GRM7: variants seen among roughly 807,000 people sequenced by gnomAD.
GRM7 encodes glutamate metabotropic receptor 7.
GRM7 carries 35 observed loss-of-function variants against 84.5 expected under a neutral mutation model. The ratio of observed to expected loss-of-function variants is 0.41; its 90% CI spans 0.32 to 0.55. GRM7 has a LOEUF of 0.55. Among genes scored for constraint, GRM7 ranks in the 20% least tolerant of loss-of-function variants. The pLI, the probability that GRM7 is intolerant of heterozygous loss-of-function variation, is 0.19. For missense variants in GRM7, 1,003 were observed against 1,194.6 expected, an observed-to-expected ratio of 0.84 and a Z score of 2.36; for synonymous variants, 487 against 455.1, an observed-to-expected ratio of 1.07 and a Z score of -0.89.
intron 4 of GRM7, among the ~76,000 whole-genome samples, chr3:7,348,727 G>A (rs934198438): frequency 4.6e-5 from 7 of 152,154 alleles, no homozygotes; most frequent in East Asian, 1.9e-4. Context: ...TGCAAATTAT[G>A]AGGCTACATC....
Position 6,898,192 on chromosome 3 carries a change from G to A in GRM7, c.519+36285G>A, listed in dbSNP as rs75753540. 9.9e-4 allele frequency among the ~76,000 whole-genome samples: 150 copies of A among 152,242 alleles called. 1 individual carries two copies. The highest frequency in any genetic ancestry group is 1.2e-3 in the African/African-American group (50 of 41,530). On this transcript the variant is annotated intron_variant, in intron 1 of 9. Coordinates refer to ENST00000357716, the MANE Select transcript of GRM7 (RefSeq NM_000844.4). ...ATTGTCAGCTGTAAAATCACTTGTC[G>A]TTCTCATGTGATGGCCATTACAGAA...
At chr3:7,545,171 C>G (rs1043859841) in intron 7 of GRM7, among the ~76,000 whole-genome samples, 3 of 152,328 alleles carry the variant, frequency 2.0e-5, no homozygotes, top group East Asian at 3.9e-4. Flanking sequence ...TTTGCTTCCA[C>G]TTCTGAAACT....
At chr3:7,144,504 G>A (rs1694047745) in intron 1 of GRM7, among the ~76,000 whole-genome samples, 1 of 152,182 alleles carries the variant, frequency 6.6e-6, no homozygotes, top group Non-Finnish European at 1.5e-5. Flanking sequence ...TGTTCGTGAT[G>A]ACGTGCAGCA....
intron 7 of GRM7, among the ~76,000 whole-genome samples, chr3:7,515,899 T>C (rs1300036539): frequency 1.3e-5 from 2 of 152,006 alleles, no homozygotes; most frequent in East Asian, 3.9e-4. Flanking sequence ...TCCCAGCACT[T>C]TGGGAGACAG....
At chr3:7,316,234 T>C (rs747601655) in intron 4 of GRM7, among the ~76,000 whole-genome samples, 1 of 152,086 alleles carries the variant, frequency 6.6e-6, no homozygotes, top group African/African-American at 2.4e-5. Flanking sequence ...CATGGGACCA[T>C]GCAGGTGATT....
At chr3:7,145,983 T>C (rs907815739) in intron 1 of GRM7, among the ~76,000 whole-genome samples, 3 of 152,210 alleles carry the variant, frequency 2.0e-5, no homozygotes, top group Admixed American at 6.5e-5. Context: ...AGCTATTTCC[T>C]TGGAGACTAT....
chr3:7,534,385 G>T (rs1428799503), intron 7 of GRM7, among the ~76,000 whole-genome samples: 1 of 152,030 alleles, frequency 6.6e-6, no homozygotes, highest in African/African-American at 2.4e-5. Context: ...ACGTACTATT[G>T]CCTAATTCTA....
At chr3:6,976,313 A>G (rs1414993072) in intron 1 of GRM7, among the ~76,000 whole-genome samples, 1 of 152,220 alleles carries the variant, frequency 6.6e-6, no homozygotes, top group Non-Finnish European at 1.5e-5. Context: ...CAGTGACTTC[A>G]TTCTGCAAGA....
chr3:7,740,986 T>G lies in GRM7; in HGVS notation c.*580T>G, dbSNP rs113378949. 1,247 of 152,138 alleles carry G rather than the reference T, an allele frequency of 8.2e-3. 10 individuals are homozygous for G. The highest frequency in any genetic ancestry group is 0.027 in the South Asian group (132 of 4,808). The allele number at this position is 152,138 out of a possible 1,614,324, so 9.4% of individuals were successfully genotyped here. A position where few individuals can be genotyped will look rare whatever the true frequency, so the allele number is the denominator to read the frequency against. ...GTACATGACTGTATAATTACGATTA[T>G]AGTACCACTGCACATCATGTTTTTT... On this transcript the variant is annotated 3_prime_UTR_variant, in exon 10 of 10. Transcript: ENST00000357716.
chr3:7,578,810 G>A lies in GRM7; in HGVS notation c.1904G>A (p.Gly635Asp). 6.2e-7 allele frequency: 1 copy of A among 1,614,098 alleles called. No individual in the cohort carries two copies. The highest frequency in any genetic ancestry group is 8.5e-7 in the Non-Finnish European group (1 of 1,180,008). ...GAACTCAGCTATGTTCTTTTGACGG[G>A]CATCTTTCTTTGCTACATCATCACT... ...GRELSYVLLT[G>D]IFLCYIITFL... The change falls in exon 8 of 10, where the codon GGC becomes GAC. Residue 635 changes from glycine to aspartate, a missense_variant. Around this residue, in one of 2 missense-constraint regions of GRM7, gnomAD observed 910 missense variants for 1,126.0 expected, o/e 0.81. Coordinates refer to ENST00000357716, the MANE Select transcript of GRM7 (RefSeq NM_000844.4).
At chr3:7,676,014 C>G (rs918617636) in intron 8 of GRM7, among the ~76,000 whole-genome samples, 3 of 151,098 alleles carry the variant, frequency 2.0e-5, no homozygotes, top group Non-Finnish European at 4.4e-5. Flanking sequence ...TTTTTTTTGT[C>G]GCCCAGGCTG....
intron 1 of GRM7, among the ~76,000 whole-genome samples, chr3:6,954,712 T>C (rs1692952970): frequency 6.6e-6 from 1 of 152,248 alleles, no homozygotes; most frequent in Non-Finnish European, 1.5e-5. Context: ...TTTGCAAATC[T>C]GTGAAATTTA....
Position 7,415,014 on chromosome 3 carries a change from T to C in GRM7, c.1034-9T>C. On this transcript the variant is annotated splice_polypyrimidine_tract_variant and intron_variant, in intron 4 of 9. Coordinates refer to ENST00000357716, the MANE Select transcript of GRM7 (RefSeq NM_000844.4). ...GCAAGCAATGACCTTTTCATTTAAC[T>C]CTGTTTAGGGTTTGATGCCTACTTT... 1.2e-6 allele frequency: 2 copies of C among 1,606,464 alleles called. No individual in the cohort carries two copies. Among genetic ancestry groups the C allele is most frequent in the Non-Finnish European group, 1.7e-6 (2 of 1,175,520 alleles).
At chr3:7,159,408 C>A (rs1038773084) in intron 2 of GRM7, among the ~76,000 whole-genome samples, 2 of 152,126 alleles carry the variant, frequency 1.3e-5, no homozygotes, top group South Asian at 2.1e-4. Context: ...AGACTAACTT[C>A]TTTATTCTTA....
At chr3:7,668,397 G>A (rs1178079850) in intron 8 of GRM7, among the ~76,000 whole-genome samples, 5 of 152,196 alleles carry the variant, frequency 3.3e-5, no homozygotes, top group Non-Finnish European at 7.3e-5. Flanking sequence ...GAGATACAAT[G>A]GTGAGCTAAC....
intron 2 of GRM7, among the ~76,000 whole-genome samples, chr3:7,234,826 C>T (rs1697298264): frequency 6.6e-6 from 1 of 152,092 alleles, no homozygotes; most frequent in Non-Finnish European, 1.5e-5. Context: ...ATATACTCTC[C>T]ATTAGAGATT....
intron 4 of GRM7, among the ~76,000 whole-genome samples, chr3:7,313,695 AAT>A (rs1488265890): frequency 6.6e-6 from 1 of 152,154 alleles, no homozygotes; most frequent in East Asian, 1.9e-4. Flanking sequence ...CTTTGCTATT[AAT>A]ATATATCCCT....
chr3:7,647,022 T>C (rs1698678732), intron 8 of GRM7, among the ~76,000 whole-genome samples: 1 of 152,152 alleles, frequency 6.6e-6, no homozygotes. Context: ...ATCCATTCTG[T>C]CCTAATAATG....
intron 1 of GRM7, among the ~76,000 whole-genome samples, chr3:7,090,460 T>A (rs1460866687): frequency 6.6e-6 from 1 of 152,176 alleles, no homozygotes; most frequent in Non-Finnish European, 1.5e-5. Context: ...TTCTTTCAAA[T>A]GCAAGAATAT....
Sources: gnomAD v4.1 joint callset for allele counts (sites outside exome capture counted in the v4.1 genomes callset) on GRCh38, gnomAD v4.1.1 for gene constraint, gnomAD v4.1.1 regional missense constraint, MANE v1.5 for transcripts, NCBI Gene and HGNC (gene_info 2026-07-23, HGNC 2026-07-21) for gene names.